Variants in TSHZ2 observed in about 807,000 individuals in gnomAD.
TSHZ2 encodes the protein teashirt zinc finger homeobox 2, also known as teashirt homolog 2.
In TSHZ2, 21 loss-of-function variants were observed where a neutral mutation model predicts 74.4. That is an observed-to-expected ratio of 0.28 (90% CI 0.20 to 0.41). The LOEUF is 0.41. Ranked by LOEUF, TSHZ2 falls within the 10% of genes least tolerant of loss-of-function variation. TSHZ2 has a pLI of 1.00. For synonymous variants in TSHZ2, 540 were observed against 515.3 expected (o/e 1.05, Z -0.65); for missense variants, 1,244 against 1,293.5 (o/e 0.96, Z 0.59).
At chr20:53,375,105 C>A (rs1378337214) in intron 2 of TSHZ2, among the ~76,000 whole-genome samples, 1 of 151,970 alleles carries the variant, frequency 6.6e-6, no homozygotes, top group Non-Finnish European at 1.5e-5. Flanking sequence ...CCCATCAAAC[C>A]CAGGAGTGCA....
chr20:53,328,265 A>G (rs1979579049), intron 2 of TSHZ2, among the ~76,000 whole-genome samples: 2 of 152,226 alleles, frequency 1.3e-5, no homozygotes, highest in South Asian at 2.1e-4. Context: ...AAACAGAAAT[A>G]TTTGAAATAG....
At chr20:53,166,047 A>G (rs1357930753) in intron 1 of TSHZ2, among the ~76,000 whole-genome samples, 2 of 152,140 alleles carry the variant, frequency 1.3e-5, no homozygotes, top group East Asian at 3.8e-4. Context: ...TCCTGCAATG[A>G]CTTATCAGAA....
chr20:53,157,972 CAGAGAGAAA>C (rs1987836167), intron 1 of TSHZ2, among the ~76,000 whole-genome samples: 1 of 152,134 alleles, frequency 6.6e-6, no homozygotes, highest in African/African-American at 2.4e-5. Context: ...CACTGTCATA[CAGAGAGAAA>C]CTGAGAAATT....
rs1185044548 is a variant in TSHZ2 at position 53,003,726 on chromosome 20, C to T, written c.40+30393C>T. ...ATGACTGACTGATCCGTTGTCTGTG[C>T]TGATAGAAAATTAACAGCTCAGTGC... On this transcript the variant is annotated intron_variant, in intron 1 of 2. Coordinates refer to ENST00000371497, the MANE Select transcript of TSHZ2 (RefSeq NM_173485.6). 4.6e-5 allele frequency among the ~76,000 whole-genome samples: 7 copies of T among 152,076 alleles called. No individual in the cohort carries two copies. The East Asian group carries it at 1.2e-3, about 25-fold the overall frequency.
At chr20:53,199,188 T>C (rs745433267) in intron 1 of TSHZ2, among the ~76,000 whole-genome samples, 10 of 152,224 alleles carry the variant, frequency 6.6e-5, no homozygotes, top group Non-Finnish European at 1.5e-4. Flanking sequence ...TTATTACAAG[T>C]GTGTTTAGAA....
intron 1 of TSHZ2, among the ~76,000 whole-genome samples, chr20:52,979,555 G>A (rs910848168): frequency 2.6e-5 from 4 of 152,114 alleles, no homozygotes; most frequent in Non-Finnish European, 4.4e-5. Flanking sequence ...TCTGAGATGC[G>A]AGTGGGAATT....
intron 2 of TSHZ2, among the ~76,000 whole-genome samples, chr20:53,440,675 G>A (rs1436118540): frequency 6.6e-6 from 1 of 152,112 alleles, no homozygotes; most frequent in Non-Finnish European, 1.5e-5. Flanking sequence ...GTAGAGTTGG[G>A]GAGGAAGCTT....
intron 1 of TSHZ2, among the ~76,000 whole-genome samples, chr20:53,142,763 G>C (rs896164906): frequency 2.0e-4 from 30 of 151,652 alleles, no homozygotes; most frequent in African/African-American, 7.0e-4. Flanking sequence ...AAACCCTGGA[G>C]AGGCCAGGCC....
chr20:53,302,057 T>C (rs1400968379), intron 2 of TSHZ2, among the ~76,000 whole-genome samples: 3 of 152,180 alleles, frequency 2.0e-5, no homozygotes, highest in Non-Finnish European at 2.9e-5. Flanking sequence ...GGGGAGCAGA[T>C]TGGCATCGCT....
At chr20:53,013,251 A>C (rs555136690) in intron 1 of TSHZ2, among the ~76,000 whole-genome samples, 2 of 152,266 alleles carry the variant, frequency 1.3e-5, no homozygotes, top group African/African-American at 4.8e-5. Flanking sequence ...AAAACAAGAG[A>C]AGTAAAGGCT....
intron 2 of TSHZ2, among the ~76,000 whole-genome samples, chr20:53,320,159 C>T (rs973298530): frequency 6.6e-6 from 1 of 152,240 alleles, no homozygotes; most frequent in African/African-American, 2.4e-5. Context: ...AAAGCACGTA[C>T]TGTGTGCCAG....
At chr20:53,129,065 C>G (rs1031873278) in intron 1 of TSHZ2, among the ~76,000 whole-genome samples, 2 of 152,112 alleles carry the variant, frequency 1.3e-5, no homozygotes, top group African/African-American at 4.8e-5. Context: ...GTAGGAGAAT[C>G]TCTGCACTAA....
chr20:53,310,404 C>A (rs1219999336), intron 2 of TSHZ2, among the ~76,000 whole-genome samples: 3 of 152,216 alleles, frequency 2.0e-5, no homozygotes, highest in African/African-American at 2.4e-5. Flanking sequence ...TAGTCTGCTG[C>A]TGTGAAACTA....
chr20:53,305,297 T>A (rs1337259859), intron 2 of TSHZ2, among the ~76,000 whole-genome samples: 1 of 152,194 alleles, frequency 6.6e-6, no homozygotes, highest in Non-Finnish European at 1.5e-5. Flanking sequence ...TCTGCCCCCA[T>A]CCATCTAGGT....
intron 2 of TSHZ2, among the ~76,000 whole-genome samples, chr20:53,424,422 G>A (rs767095046): frequency 5.3e-5 from 8 of 152,138 alleles, no homozygotes; most frequent in Non-Finnish European, 8.8e-5. Context: ...TATCCCGGAT[G>A]ACCATTATTT....
At chr20:53,236,728 A>G (rs1326566974) in intron 1 of TSHZ2, among the ~76,000 whole-genome samples, 2 of 152,228 alleles carry the variant, frequency 1.3e-5, no homozygotes, top group East Asian at 1.9e-4. Flanking sequence ...GTTCTGCATT[A>G]CTTGAGAAGC....
chr20:53,345,875 G>A (rs1600821985), intron 2 of TSHZ2, among the ~76,000 whole-genome samples: 1 of 151,878 alleles, frequency 6.6e-6, no homozygotes, highest in Non-Finnish European at 1.5e-5. Context: ...CACCCTCCCC[G>A]CTGACCACGA....
intron 1 of TSHZ2, among the ~76,000 whole-genome samples, chr20:53,071,681 C>T (rs1985179151): frequency 6.6e-6 from 1 of 152,120 alleles, no homozygotes; most frequent in African/African-American, 2.4e-5. Flanking sequence ...GTCGGGAGAA[C>T]CCAGAGCTGA....
intron 1 of TSHZ2, among the ~76,000 whole-genome samples, chr20:53,217,813 T>C (rs1301124746): frequency 6.6e-6 from 1 of 152,258 alleles, no homozygotes; most frequent in Admixed American, 6.5e-5. Context: ...TCTGACTTAC[T>C]ATCTCATTTA....
Sources: gnomAD v4.1 joint callset for allele counts (sites outside exome capture counted in the v4.1 genomes callset) on GRCh38, gnomAD v4.1.1 for gene constraint, MANE v1.5 for transcripts, NCBI Gene and HGNC (gene_info 2026-07-23, HGNC 2026-07-21) for gene names.